Variants in ITPR1 observed in about 807,000 individuals in gnomAD.
The protein encoded by ITPR1 is inositol 1,4,5-trisphosphate-gated calcium channel ITPR1.
Under a neutral mutation model 318.4 loss-of-function variants are expected in ITPR1, and 96 were observed. That is an observed-to-expected ratio of 0.30 (90% confidence interval 0.26 to 0.36). The LOEUF is 0.36. Among genes scored for constraint, ITPR1 ranks in the 10% least tolerant of loss-of-function variants. The probability of loss-of-function intolerance (pLI) is 1.00; values close to 1 mark genes in which losing one functional copy is unlikely to be tolerated. For missense variants in ITPR1, 2,440 were observed against 3,460.2 expected (o/e 0.71, Z 7.40); for synonymous variants, 1,312 against 1,289.9 (o/e 1.02, Z -0.37).
intron 4 of ITPR1, among the ~76,000 whole-genome samples, chr3:4,526,011 A>G (rs1040891917): frequency 6.6e-6 from 1 of 152,202 alleles, no homozygotes; most frequent in Non-Finnish European, 1.5e-5. Context: ...TTGGGCAATT[A>G]GATAGGCTTT....
At chr3:4,797,816 G>A (rs982987107) in intron 53 of ITPR1, among the ~76,000 whole-genome samples, 1 of 152,182 alleles carries the variant, frequency 6.6e-6, no homozygotes, top group African/African-American at 2.4e-5. Context: ...TTTTAAAGAA[G>A]TCTAGACATC....
At chr3:4,667,571 T>C (rs758538492) in intron 18 of ITPR1, 22 bp downstream of exon 18, 19 of 1,599,794 alleles carry the variant, frequency 1.2e-5, no homozygotes, top group South Asian at 5.6e-5. Context: ...GTGGGGTCCA[T>C]GCAGGATGGT....
intron 42 of ITPR1, among the ~76,000 whole-genome samples, chr3:4,730,786 C>G (rs1419201976): frequency 1.3e-5 from 2 of 152,170 alleles, no homozygotes; most frequent in African/African-American, 2.4e-5. Flanking sequence ...TTGAGACCCC[C>G]TTAAGAGATG....
At chr3:4,505,192 GC>G (rs2081313410) in intron 2 of ITPR1, among the ~76,000 whole-genome samples, 1 of 152,124 alleles carries the variant, frequency 6.6e-6, no homozygotes, top group South Asian at 2.1e-4. Flanking sequence ...TTTAAAGGAA[GC>G]TTTTTTCCCC....
intron 21 of ITPR1, among the ~76,000 whole-genome samples, chr3:4,673,749 A>AT (rs1333014232): frequency 6.6e-6 from 1 of 151,832 alleles, no homozygotes; most frequent in African/African-American, 2.4e-5. Context: ...CGCCCGGCTA[A>AT]TTTTTTGTAT....
At chr3:4,688,747 G>A (rs938444355) in intron 31 of ITPR1, 127 bp downstream of exon 31, 1 of 886,470 alleles carries the variant, frequency 1.1e-6, no homozygotes, top group Non-Finnish European at 1.7e-6. Flanking sequence ...ATTCCAAAGG[G>A]GAACATTTTC....
At chr3:4,554,414 C>T (rs1462636094) in intron 4 of ITPR1, among the ~76,000 whole-genome samples, 7 of 152,154 alleles carry the variant, frequency 4.6e-5, no homozygotes, top group East Asian at 1.9e-4. Context: ...CTGGTAATTA[C>T]GTGTATTGGC....
intron 4 of ITPR1, among the ~76,000 whole-genome samples, chr3:4,553,785 G>C (rs1031560874): frequency 6.6e-6 from 1 of 152,132 alleles, no homozygotes; most frequent in Non-Finnish European, 1.5e-5. Flanking sequence ...ATTTTTAGTA[G>C]AGACGGGATT....
intron 4 of ITPR1, among the ~76,000 whole-genome samples, chr3:4,621,518 C>G (rs542279594): frequency 6.6e-6 from 1 of 152,310 alleles, no homozygotes; most frequent in East Asian, 1.9e-4. Context: ...TTGGTGGGGA[C>G]ACAGATCCAA....
At chr3:4,617,977 C>T (rs1256148650) in intron 4 of ITPR1, among the ~76,000 whole-genome samples, 3 of 141,080 alleles carry the variant, frequency 2.1e-5, no homozygotes, top group Non-Finnish European at 3.0e-5. Context: ...AAAGTGAGAC[C>T]GTGCGTATCT....
intron 46 of ITPR1, 51 bp from the exon 47 acceptor site, chr3:4,775,191 C>G: frequency 7.7e-7 from 1 of 1,294,010 alleles, no homozygotes; most frequent in Non-Finnish European, 1.1e-6. Flanking sequence ...AATAACGTTT[C>G]CCTCTTCCCT....
chr3:4,669,879 C>T, intron 19 of ITPR1, 106 bp downstream of exon 19: 16 of 1,137,206 alleles, frequency 1.4e-5, no homozygotes, highest in Non-Finnish European at 1.7e-5. Context: ...GATCTAAAGT[C>T]AGTGTGGCTG....
chr3:4,801,399 G>A (rs1484201018), intron 54 of ITPR1, among the ~76,000 whole-genome samples: 2 of 152,132 alleles, frequency 1.3e-5, no homozygotes, highest in Non-Finnish European at 2.9e-5. Flanking sequence ...AGGCAGCAAG[G>A]ACTTTAGAGA....
rs1484566521 is a variant in ITPR1, at chr3:4,683,376, G to T, written c.3162-10G>T. ...TTCATTTGGCCTTTCCCCACCTTGT[G>T]CTCCTTTAGTGAGGAGAACACCCCA... On this transcript the variant is annotated splice_polypyrimidine_tract_variant and intron_variant, in intron 26 of 61. Transcript: ENST00000649015. 1 of 1,613,850 alleles carries T rather than the reference G, an allele frequency of 6.2e-7. No homozygotes were observed. The highest frequency in any genetic ancestry group is 1.3e-5 in the African/African-American group (1 of 74,918).
intron 4 of ITPR1, among the ~76,000 whole-genome samples, chr3:4,579,912 T>TA (rs926350717): frequency 9.4e-5 from 14 of 148,648 alleles, no homozygotes; most frequent in African/African-American, 3.0e-4. Context: ...AATTCAGCCT[T>TA]AAAAAAAACC....
intron 12 of ITPR1, among the ~76,000 whole-genome samples, chr3:4,656,210 C>T (rs775437736): frequency 2.4e-4 from 37 of 152,196 alleles, no homozygotes; most frequent in Non-Finnish European, 4.6e-4. Flanking sequence ...AGGACGCTGC[C>T]TCTCAGTCAC....
chr3:4,612,124 C>T (rs1292292045), intron 4 of ITPR1, among the ~76,000 whole-genome samples: 1 of 125,484 alleles, frequency 8.0e-6, no homozygotes, highest in East Asian at 2.6e-4. Context: ...GGAGTGCAGT[C>T]CATGTCGGCT....
chr3:4,634,933 G>T (rs1377093814), intron 5 of ITPR1, among the ~76,000 whole-genome samples: 1 of 152,184 alleles, frequency 6.6e-6, no homozygotes, highest in Non-Finnish European at 1.5e-5. Context: ...AGTAGAAACG[G>T]GGTTTGGCCA....
intron 59 of ITPR1, among the ~76,000 whole-genome samples, chr3:4,815,800 TA>T (rs201805267): frequency 1.6e-4 from 24 of 150,988 alleles, no homozygotes; most frequent in African/African-American, 4.9e-4. Context: ...GTATGTATGC[TA>T]AAAAAAAAGA....
Sources: allele counts gnomAD v4.1 joint callset (sites outside exome capture counted in the v4.1 genomes callset), GRCh38; gene constraint gnomAD v4.1.1; transcripts MANE v1.5; gene names NCBI Gene and HGNC (gene_info 2026-07-23, HGNC 2026-07-21).